CDCA7: variants seen among roughly 807,000 people sequenced by gnomAD.
CDCA7 encodes the protein cell division cycle-associated protein 7.
A neutral mutation model predicts 54.0 loss-of-function variants in CDCA7; 28 were observed. The ratio of observed to expected loss-of-function variants is 0.52; its 90% confidence interval spans 0.38 to 0.71. The LOEUF is 0.71. CDCA7 is among the 30% of genes least tolerant of loss of function. The probability of loss-of-function intolerance (pLI) is 0.00; values close to 1 mark genes in which losing one functional copy is unlikely to be tolerated. For synonymous variants in CDCA7, 180 were observed against 208.2 expected, an observed-to-expected ratio of 0.86 and a Z score of 1.16; for missense variants, 484 against 586.0, an observed-to-expected ratio of 0.83 and a Z score of 1.80.
In CDCA7 at chr2:173,359,166, A is replaced by C; in HGVS notation, c.148-89A>C. The C allele has an allele frequency of 2.9e-6, 3 of 1,051,106 alleles. No individual in the cohort carries two copies. The South Asian group carries it at 4.7e-5, about 16-fold the overall frequency. 65.1% of individuals were successfully genotyped at this position (1,051,106 alleles called of 1,614,324 possible). A position where few individuals can be genotyped will look rare whatever the true frequency, so the allele number is the denominator to read the frequency against. ...CTGTTCTCTTGTAGTGCACTTGTAA[A>C]TGTGATTTGCTCTCTGCACGGTTTA... On this transcript the variant is annotated intron_variant, in intron 2 of 9. Transcript: ENST00000306721.
rs200991341 is a variant in CDCA7 at position 173,363,280 on chromosome 2, G to A, written c.439G>A (p.Gly147Arg). The A allele has an allele frequency of 6.2e-7, 1 of 1,614,148 alleles. No individual in the cohort carries two copies. Among genetic ancestry groups the A allele is most frequent in the East Asian group, 2.2e-5 (1 of 44,876 alleles). Residue 147 changes from glycine to arginine, a missense_variant, in exon 4 of 10, where the codon GGA (glycine) becomes AGA (arginine). Around this residue, in one of 3 missense-constraint regions of CDCA7, gnomAD observed 398 missense variants for 447.4 expected, o/e 0.89. Transcript: ENST00000306721. ...GACCCGCAGCCAGTGCAGGCACTCTGGACCTCTCAGGGTGGCGATGAAGTT... is the reference window on the plus strand; with the variant it reads ...GACCCGCAGCCAGTGCAGGCACTCTAGACCTCTCAGGGTGGCGATGAAGTT... ...CRTRSQCRHS[G>R]PLRVAMKFPA...
rs184170515 is a variant in CDCA7, at chr2:173,365,908, C to T, written c.1035+316C>T. The stretch of plus-strand genomic sequence containing the variant: ...CTAGGTGCTGGAGTGTGGTGGTACA[C>T]CAAAGATAAAAGTGGATTTGGGTAG... On this transcript the variant is annotated intron_variant, in intron 7 of 9. Coordinates refer to ENST00000306721, the MANE Select transcript of CDCA7 (RefSeq NM_031942.5). Among the ~76,000 whole-genome samples the T allele has an allele frequency of 6.7e-3, 1,018 of 152,174 alleles. 25 individuals carry two copies. Among genetic ancestry groups the T allele is most frequent in the Non-Finnish European group, 6.1e-3 (414 of 68,018 alleles).
chr2:173,361,769 TCTA>T (rs1407968329), intron 3 of CDCA7, among the ~76,000 whole-genome samples: 1 of 152,108 alleles, frequency 6.6e-6, no homozygotes, highest in African/African-American at 2.4e-5. Context: ...GCTTTTTAGC[TCTA>T]CTATGAAGTG....
intron 2 of CDCA7, among the ~76,000 whole-genome samples, 153 bp from the exon 3 acceptor site, chr2:173,359,102 A>G (rs879773060): frequency 6.6e-6 from 1 of 152,230 alleles, no homozygotes; most frequent in Non-Finnish European, 1.5e-5. Context: ...CTCAGAAATC[A>G]TTTGTAAACC....
chr2:173,365,895 G>A (rs1319656371), intron 7 of CDCA7, among the ~76,000 whole-genome samples: 1 of 152,214 alleles, frequency 6.6e-6, no homozygotes, highest in African/African-American at 2.4e-5. Flanking sequence ...AGGTGCTGGA[G>A]TGTGGTGGTA....
At chr2:173,362,954 G>A (rs1686650471) in intron 3 of CDCA7, among the ~76,000 whole-genome samples, 1 of 152,022 alleles carries the variant, frequency 6.6e-6, no homozygotes, top group African/African-American at 2.4e-5. Context: ...AAAAGCAGGT[G>A]GTAGGAATTT....
chr2:173,362,981 G>C (rs1413102185), intron 3 of CDCA7, among the ~76,000 whole-genome samples: 1 of 152,148 alleles, frequency 6.6e-6, no homozygotes, highest in Non-Finnish European at 1.5e-5. Flanking sequence ...TTTAAAAAAA[G>C]GCTCAGAACC....
At chr2:173,365,802 A>G (rs1159863628) in intron 7 of CDCA7, among the ~76,000 whole-genome samples, 1 of 152,226 alleles carries the variant, frequency 6.6e-6, no homozygotes, top group African/African-American at 2.4e-5. Flanking sequence ...GTCTGTAGTC[A>G]TGGTAAATCT....
Position 173,368,744 on chromosome 2 carries a change from T to G in CDCA7, c.*1080T>G, listed in dbSNP as rs1248075393. 6.6e-6 allele frequency: 1 copy of G among 152,218 alleles called. No homozygotes were observed. The highest frequency in any genetic ancestry group is 1.9e-4 in the East Asian group (1 of 5,204). 9.4% of individuals were successfully genotyped at this position (152,218 alleles called of 1,614,324 possible). ...CAAGGTATTTGGTAGAGGTGGAATC[T>G]AAGTGTTTGTATGTCCAATTTACTT... On this transcript the variant is annotated 3_prime_UTR_variant, in exon 10 of 10. Coordinates refer to ENST00000306721, the MANE Select transcript of CDCA7 (RefSeq NM_031942.5).
Position 173,366,548 on chromosome 2 carries a change from C to CTT in CDCA7, c.1185+124_1185+125dup. On this transcript the variant is annotated intron_variant, in intron 8 of 9. Transcript: ENST00000306721. The surrounding 1 kb of genome is among the most constrained non-coding windows in gnomAD (Gnocchi z 4.5). ...GCCCTTTCTGTTATGGGGTGCTCTT[C>CTT]TTTTTTTTTAAGATGGAGTCTCATT... 3 of 1,340,576 alleles carry CTT rather than the reference C, an allele frequency of 2.2e-6. No homozygotes were observed. The highest frequency in any genetic ancestry group is 2.0e-6 in the Non-Finnish European group (2 of 992,492). The allele number at this position is 1,340,576 out of a possible 1,614,324, so 83.0% of individuals were successfully genotyped here.
rs752292048 is a variant in CDCA7, at chr2:173,367,709, T to C, written c.*45T>C. On this transcript the variant is annotated 3_prime_UTR_variant, in exon 10 of 10. Transcript: ENST00000306721. ...CTGCCTTCTACTTCTCAAATCTTTC[T>C]TGTAAAAGTTTCCAATTTTTTCACT... is the stretch of plus-strand genomic sequence containing the variant. The C allele has an allele frequency of 6.2e-7, 1 of 1,606,528 alleles. No individual in the cohort carries two copies. Among genetic ancestry groups the C allele is most frequent in the South Asian group, 1.1e-5 (1 of 90,374 alleles).
At chr2:173,357,047 G>A (rs752719298) in intron 1 of CDCA7, among the ~76,000 whole-genome samples, 4 of 152,190 alleles carry the variant, frequency 2.6e-5, no homozygotes, top group Admixed American at 6.5e-5. Flanking sequence ...AGCATATTTT[G>A]TAGAATCTAT....
Position 173,366,479 on chromosome 2 carries a change from C to G in CDCA7, c.1185+47C>G, listed in dbSNP as rs751165099. The stretch of plus-strand genomic sequence containing the variant: ...GTCCTGTGGGCTTGAAGGTCAGCCA[C>G]AAACTGTGATGAGGCCAGAAAAAGG... On this transcript the variant is annotated intron_variant, in intron 8 of 9. Transcript: ENST00000306721. The surrounding 1 kb of genome is among the most constrained non-coding windows in gnomAD (Gnocchi z 4.5). 6.2e-7 allele frequency: 1 copy of G among 1,603,952 alleles called. No individual in the cohort carries two copies. Among genetic ancestry groups the G allele is most frequent in the East Asian group, 2.2e-5 (1 of 44,630 alleles).
Position 173,366,361 on chromosome 2 carries a change from C to G in CDCA7, c.1114C>G (p.Arg372Gly). Residue 372 changes from arginine to glycine, a missense_variant, in exon 8 of 10, where the codon CGA becomes GGA. Around this residue, in one of 3 missense-constraint regions of CDCA7, gnomAD observed 83 missense variants for 122.3 expected, o/e 0.68. Coordinates refer to ENST00000306721, the MANE Select transcript of CDCA7 (RefSeq NM_031942.5). The surrounding 1 kb of genome is among the most constrained non-coding windows in gnomAD (Gnocchi z 4.5). Reference protein sequence around the residue: ...NCRNPDCWGVRGQFCGPCLRN... With the variant: ...NCRNPDCWGVGGQFCGPCLRN... The stretch of plus-strand genomic sequence containing the variant: ...CAGAAACCCAGACTGCTGGGGCGTT[C>G]GAGGCCAGTTCTGTGGCCCCTGCCT... 6.2e-7 allele frequency: 1 copy of G among 1,613,914 alleles called. No homozygotes were observed. The highest frequency in any genetic ancestry group is 8.5e-7 in the Non-Finnish European group (1 of 1,180,010).
chr2:173,360,423 TTTG>T (rs1158837643), intron 3 of CDCA7, among the ~76,000 whole-genome samples: 2 of 152,190 alleles, frequency 1.3e-5, no homozygotes, highest in African/African-American at 4.8e-5. Context: ...ATGAAAGGTT[TTTG>T]TTGTTTTGTA....
chr2:173,363,318 T>C lies in CDCA7; in HGVS notation c.477T>C (p.Ser159=). ...TGGCGATGAAGTTTCCAGCGCGGAG[T>C]ACCAGGGGAGCAACCAACAAAAAAG... The part of the protein sequence containing the change: ...LRVAMKFPAR[S]TRGATNKKAE... Residue 159 remains serine (S), a synonymous_variant, in exon 4 of 10, where the codon AGT becomes AGC. Transcript: ENST00000306721. 6.2e-7 allele frequency: 1 copy of C among 1,614,016 alleles called. No homozygotes were observed. The highest frequency in any genetic ancestry group is 8.5e-7 in the Non-Finnish European group (1 of 1,180,024).
chr2:173,356,926 T>C (rs1420779016), intron 1 of CDCA7, among the ~76,000 whole-genome samples: 2 of 152,208 alleles, frequency 1.3e-5, no homozygotes, highest in African/African-American at 4.8e-5. Context: ...TATAGGGATG[T>C]TGGGAGTGCC....
rs765456341 is a variant in CDCA7 at position 173,365,001 on chromosome 2, G to C, written c.894+12G>C. On this transcript the variant is annotated intron_variant, in intron 6 of 9. Coordinates refer to ENST00000306721, the MANE Select transcript of CDCA7 (RefSeq NM_031942.5). Reference sequence around the variant, plus strand: ...ATGGCTACATGAATGTGAGTTCTCCGCATTGGTACTTGCTCTTCTGATTCT... The same window carrying C: ...ATGGCTACATGAATGTGAGTTCTCCCCATTGGTACTTGCTCTTCTGATTCT... The C allele has an allele frequency of 8.3e-6, 13 of 1,560,702 alleles. No homozygotes were observed. Among genetic ancestry groups the C allele is most frequent in the Admixed American group, 6.2e-5 (3 of 48,642 alleles).
At chr2:173,364,197 T>C (rs978271773) in intron 5 of CDCA7, 10 of 260,180 alleles carry the variant, frequency 3.8e-5, no homozygotes, top group Middle Eastern at 2.4e-3. Flanking sequence ...TGTTCTCCAG[T>C]GTGAGCACAT....
Sources: gnomAD v4.1 joint callset for allele counts (sites outside exome capture counted in the v4.1 genomes callset) on GRCh38, gnomAD v4.1.1 for gene constraint, gnomAD v4.1.1 regional missense constraint, Gnocchi (gnomAD v3.1) non-coding constraint, MANE v1.5 for transcripts, NCBI Gene and HGNC (gene_info 2026-07-23, HGNC 2026-07-21) for gene names.